NAALADL2: variants seen among roughly 807,000 people sequenced by gnomAD.
NAALADL2 encodes the protein N-acetylated alpha-linked acidic dipeptidase like 2.
NAALADL2 carries 76 observed loss-of-function variants against 87.2 expected under a neutral mutation model. The observed-to-expected ratio is 0.87, with a 90% CI of 0.72 to 1.05. The LOEUF (loss-of-function observed/expected upper bound fraction) is 1.05. Ranked by LOEUF, NAALADL2 falls within the 50% of genes least tolerant of loss-of-function variation. The probability of loss-of-function intolerance (pLI) is 0.00; values close to 1 mark genes in which losing one functional copy is unlikely to be tolerated. For missense variants in NAALADL2, 1,089 were observed against 945.8 expected (o/e 1.15, Z -1.99); for synonymous variants, 354 against 331.0 (o/e 1.07, Z -0.75).
intron 2 of NAALADL2, among the ~76,000 whole-genome samples, chr3:174,681,205 C>A (rs1397874188): frequency 6.6e-6 from 1 of 152,128 alleles, no homozygotes; most frequent in Non-Finnish European, 1.5e-5. Context: ...CCCAGCAAGC[C>A]TCAGTACCAC....
At chr3:174,946,043 CAAAAAAAAAAA>C (rs57964168) in intron 1 of NAALADL2, among the ~76,000 whole-genome samples, 8 of 50,260 alleles carry the variant, frequency 1.6e-4, no homozygotes, top group African/African-American at 5.5e-4. Context: ...GACTCTGCCT[CAAAAAAAAAAA>C]AAAAAAAAAA....
chr3:175,259,673 T>C (rs1750674458), intron 4 of NAALADL2, among the ~76,000 whole-genome samples: 1 of 152,250 alleles, frequency 6.6e-6, no homozygotes, highest in South Asian at 2.1e-4. Flanking sequence ...TTCTAAATGT[T>C]CTATAATTGT....
At chr3:174,962,809 C>T (rs944467889) in intron 1 of NAALADL2, among the ~76,000 whole-genome samples, 3 of 151,942 alleles carry the variant, frequency 2.0e-5, no homozygotes, top group African/African-American at 7.3e-5. Flanking sequence ...ACAGTTGTCC[C>T]TCTGTATCTG....
At chr3:174,802,908 G>C (rs887087495) in intron 3 of NAALADL2, among the ~76,000 whole-genome samples, 2 of 152,096 alleles carry the variant, frequency 1.3e-5, no homozygotes, top group African/African-American at 2.4e-5. Context: ...TTGGTTCCAA[G>C]TCTTTGCTCT....
intron 5 of NAALADL2, among the ~76,000 whole-genome samples, chr3:175,365,109 G>A (rs574089794): frequency 6.8e-6 from 1 of 147,232 alleles, no homozygotes; most frequent in East Asian, 2.0e-4. Context: ...TTGGGTGGAT[G>A]ATATATTTGA....
intron 1 of NAALADL2, among the ~76,000 whole-genome samples, chr3:174,526,057 T>G (rs2108427607): frequency 6.6e-6 from 1 of 152,346 alleles, no homozygotes; most frequent in African/African-American, 2.4e-5. Flanking sequence ...GTTTGCCATG[T>G]CTATAAGGAG....
intron 3 of NAALADL2, among the ~76,000 whole-genome samples, chr3:174,831,505 T>G (rs1484647212): frequency 6.9e-6 from 1 of 145,068 alleles, no homozygotes; most frequent in African/African-American, 2.6e-5. Context: ...CTGGATTCGT[T>G]TTGCCAGTAT....
At chr3:175,423,109 A>ATT (rs1716079996) in intron 5 of NAALADL2, among the ~76,000 whole-genome samples, 1 of 144,514 alleles carries the variant, frequency 6.9e-6, no homozygotes, top group Non-Finnish European at 1.5e-5. Flanking sequence ...TTTTAAAAAG[A>ATT]TTTGCATGCA....
intron 3 of NAALADL2, among the ~76,000 whole-genome samples, chr3:175,254,048 A>C (rs997645115): frequency 2.0e-5 from 3 of 152,238 alleles, no homozygotes; most frequent in African/African-American, 7.2e-5. Context: ...AACTGAGTTC[A>C]TTAAAGCAGC....
intron 2 of NAALADL2, among the ~76,000 whole-genome samples, chr3:174,570,469 A>G (rs1316353369): frequency 6.6e-6 from 1 of 152,168 alleles, no homozygotes; most frequent in East Asian, 1.9e-4. Context: ...TTAAAATCAT[A>G]AAAGTTTTAA....
intron 2 of NAALADL2, among the ~76,000 whole-genome samples, chr3:174,655,447 C>G (rs932716477): frequency 1.3e-5 from 2 of 150,390 alleles, no homozygotes; most frequent in African/African-American, 4.9e-5. Context: ...AAGCCACCAC[C>G]GTAAACTAGA....
chr3:174,887,143 T>G (rs1730258259), intron 1 of NAALADL2, among the ~76,000 whole-genome samples: 1 of 152,208 alleles, frequency 6.6e-6, no homozygotes, highest in Non-Finnish European at 1.5e-5. Flanking sequence ...ATTATTTTGC[T>G]GCTGTCCTAG....
intron 3 of NAALADL2, among the ~76,000 whole-genome samples, chr3:175,237,770 C>G (rs894321468): frequency 4.6e-5 from 7 of 151,952 alleles, no homozygotes; most frequent in African/African-American, 1.7e-4. Context: ...TAACAATGGC[C>G]TTTTGTGTTG....
chr3:175,787,373 G>C (rs1340876859), intron 13 of NAALADL2, among the ~76,000 whole-genome samples: 1 of 152,164 alleles, frequency 6.6e-6, no homozygotes, highest in Non-Finnish European at 1.5e-5. Context: ...GACTCCGTGG[G>C]CGTAGGACCC....
At chr3:175,284,762 G>T (rs1185109052) in intron 4 of NAALADL2, among the ~76,000 whole-genome samples, 1 of 151,988 alleles carries the variant, frequency 6.6e-6, no homozygotes, top group Admixed American at 6.6e-5. Flanking sequence ...ATGTATGACT[G>T]GGGACTAACT....
At chr3:175,050,316 G>T (rs1472482674) in intron 1 of NAALADL2, among the ~76,000 whole-genome samples, 1 of 151,762 alleles carries the variant, frequency 6.6e-6, no homozygotes, top group South Asian at 2.1e-4. Context: ...AGGCTGGAGT[G>T]CAGTGGCGTG....
chr3:174,627,123 A>C (rs1394153570), intron 2 of NAALADL2, among the ~76,000 whole-genome samples: 2 of 152,182 alleles, frequency 1.3e-5, no homozygotes, highest in African/African-American at 4.8e-5. Context: ...CAAATTATTA[A>C]GTATGAATCT....
At chr3:175,356,366 T>C (rs1764358817) in intron 5 of NAALADL2, among the ~76,000 whole-genome samples, 1 of 152,004 alleles carries the variant, frequency 6.6e-6, no homozygotes, top group Admixed American at 6.6e-5. Context: ...GAGGATTGCT[T>C]GAGCCCAAGA....
At chr3:174,899,190 T>C (rs962292758) in intron 1 of NAALADL2, among the ~76,000 whole-genome samples, 4 of 152,208 alleles carry the variant, frequency 2.6e-5, no homozygotes, top group Non-Finnish European at 5.9e-5. Context: ...AACTAAATTT[T>C]ATGCTATTAT....
Sources: allele counts gnomAD v4.1 joint callset (sites outside exome capture counted in the v4.1 genomes callset), GRCh38; gene constraint gnomAD v4.1.1; transcripts MANE v1.5; gene names NCBI Gene and HGNC (gene_info 2026-07-23, HGNC 2026-07-21).